SLIT2: variants seen among roughly 807,000 people sequenced by gnomAD.
SLIT2 encodes slit guidance ligand 2, also known as slit homolog 2 protein.
SLIT2 carries 41 observed loss-of-function variants against 185.7 expected under a neutral mutation model. The ratio of observed to expected loss-of-function variants is 0.22; its 90% confidence interval spans 0.17 to 0.29. The LOEUF is 0.29. Ranked by LOEUF, SLIT2 falls within the 10% of genes least tolerant of loss-of-function variation. SLIT2 has a pLI of 1.00. For missense variants in SLIT2, 1,571 were observed against 1,909.0 expected, an observed-to-expected ratio of 0.82 and a Z score of 3.30; for synonymous variants, 693 against 680.2, an observed-to-expected ratio of 1.02 and a Z score of -0.29.
chr4:20,520,003 C>T (rs917142929), intron 12 of SLIT2, among the ~76,000 whole-genome samples: 26 of 133,624 alleles, frequency 1.9e-4, no homozygotes, highest in Admixed American at 5.5e-4. Flanking sequence ...CACTGCACTC[C>T]AGCCCGGGCG....
At chr4:20,302,991 ATTAAATCTTATCCCATTG>A (rs1717196544) in intron 4 of SLIT2, among the ~76,000 whole-genome samples, 3 of 90,110 alleles carry the variant, frequency 3.3e-5, no homozygotes, top group Non-Finnish European at 7.4e-5. Flanking sequence ...CATTATCTAC[ATTAAATCTTATCCCATTG>A]TCTACATTAC....
At position 20,403,301 on chromosome 4, in the gene SLIT2, G is replaced by A. The variant is rs35435155; in HGVS notation, c.396-64451G>A. On this transcript the variant is annotated intron_variant, in intron 4 of 36. Coordinates refer to ENST00000504154, the MANE Select transcript of SLIT2 (RefSeq NM_004787.4). The stretch of plus-strand genomic sequence containing the variant: ...TTGCCTTACAATGAATCATTGCTCA[G>A]TTATCATATATTGAAACATACTATT... Among the ~76,000 whole-genome samples, 1,027 of 152,028 alleles carry A rather than the reference G, an allele frequency of 6.8e-3. 7 individuals are homozygous for A. The highest frequency in any genetic ancestry group is 0.011 in the Non-Finnish European group (764 of 67,918).
At chr4:20,606,113 T>C (rs1180287969) in intron 33 of SLIT2, among the ~76,000 whole-genome samples, 2 of 152,176 alleles carry the variant, frequency 1.3e-5, no homozygotes, top group Non-Finnish European at 2.9e-5. Context: ...GTTTATCTCA[T>C]GCTAGAAAAG....
chr4:20,268,825 T>C lies in SLIT2; in HGVS notation c.339T>C (p.Asn113=). ...KELERLRLNR[N]HLQLFPELLF... ...TTCTCAAAAGGCGTTTAAACAGAAA[T>C]CACCTTCAGCTGTTTCCTGAGTTGC... Residue 113 remains asparagine, a synonymous_variant, in exon 4 of 37, where the codon AAT becomes AAC. Coordinates refer to ENST00000504154, the MANE Select transcript of SLIT2 (RefSeq NM_004787.4). 6.2e-7 allele frequency: 1 copy of C among 1,610,868 alleles called. No individual in the cohort carries two copies. The highest frequency in any genetic ancestry group is 8.5e-7 in the Non-Finnish European group (1 of 1,177,478).
At chr4:20,576,788 C>T (rs534918542) in intron 29 of SLIT2, among the ~76,000 whole-genome samples, 2 of 152,052 alleles carry the variant, frequency 1.3e-5, no homozygotes, top group African/African-American at 4.8e-5. Context: ...GCCCATTGAG[C>T]CCAGAACAAC....
intron 8 of SLIT2, chr4:20,489,928 A>T (rs1388056183): frequency 2.0e-5 from 3 of 152,128 alleles, no homozygotes; most frequent in Non-Finnish European, 4.4e-5. Context: ...CTCTATTAAA[A>T]ATACAAAAAA....
chr4:20,501,905 A>G (rs1273654405), intron 9 of SLIT2, among the ~76,000 whole-genome samples: 1 of 152,214 alleles, frequency 6.6e-6, no homozygotes, highest in Non-Finnish European at 1.5e-5. Flanking sequence ...TCATATATCC[A>G]CTATGTGCAG....
At chr4:20,312,883 T>A (rs1490199669) in intron 4 of SLIT2, among the ~76,000 whole-genome samples, 4 of 152,082 alleles carry the variant, frequency 2.6e-5, no homozygotes, top group Admixed American at 1.3e-4. Flanking sequence ...ATTTTCTTGC[T>A]CTTATTATTT....
chr4:20,374,788 A>G (rs1277002177), intron 4 of SLIT2, among the ~76,000 whole-genome samples: 2 of 152,072 alleles, frequency 1.3e-5, no homozygotes, highest in African/African-American at 4.8e-5. Context: ...TGTTATAATA[A>G]TACTCTGAAG....
chr4:20,332,149 T>G (rs1720113205), intron 4 of SLIT2, among the ~76,000 whole-genome samples: 1 of 152,150 alleles, frequency 6.6e-6, no homozygotes, highest in Admixed American at 6.5e-5. Context: ...CCTGGAAGTG[T>G]TACTTATTTC....
intron 4 of SLIT2, among the ~76,000 whole-genome samples, chr4:20,412,344 A>G (rs1727324434): frequency 6.6e-6 from 1 of 152,098 alleles, no homozygotes; most frequent in African/African-American, 2.4e-5. Context: ...TATATGATTG[A>G]TTTATTCTCT....
intron 4 of SLIT2, among the ~76,000 whole-genome samples, chr4:20,285,787 A>G (rs1715208353): frequency 6.6e-6 from 1 of 152,170 alleles, no homozygotes. Flanking sequence ...GGCTCAAGCA[A>G]TCTACCTGCT....
intron 4 of SLIT2, among the ~76,000 whole-genome samples, chr4:20,337,675 A>G (rs978682861): frequency 6.6e-6 from 1 of 152,198 alleles, no homozygotes; most frequent in Non-Finnish European, 1.5e-5. Context: ...CTAAAAGGCA[A>G]TACTGACACT....
chr4:20,454,706 C>G (rs551579418), intron 4 of SLIT2, among the ~76,000 whole-genome samples: 98 of 152,282 alleles, frequency 6.4e-4, no homozygotes, highest in Non-Finnish European at 1.3e-3. Context: ...TAGACACTTT[C>G]ACATAAAGTG....
chr4:20,469,931 A>G (rs117640594), intron 5 of SLIT2, among the ~76,000 whole-genome samples: 6 of 150,868 alleles, frequency 4.0e-5, no homozygotes, highest in Non-Finnish European at 4.4e-5. Flanking sequence ...AATTTTTTGT[A>G]TTTAGTAGAG....
chr4:20,508,289 C>T (rs1417710721), intron 9 of SLIT2, among the ~76,000 whole-genome samples: 3 of 151,874 alleles, frequency 2.0e-5, no homozygotes, highest in Non-Finnish European at 4.4e-5. Context: ...AAAGGCACAA[C>T]TTATTATACC....
chr4:20,300,449 T>C (rs1030648733), intron 4 of SLIT2, among the ~76,000 whole-genome samples: 1 of 152,166 alleles, frequency 6.6e-6, no homozygotes, highest in Admixed American at 6.6e-5. Flanking sequence ...TTCATTTGTT[T>C]TCATAGTTTA....
rs1276292964 is a variant in SLIT2, at chr4:20,255,000, C to A, written c.179+1006C>A. 1 of 456,336 alleles carries A rather than the reference C, an allele frequency of 2.2e-6. No individual in the cohort carries two copies. Among genetic ancestry groups the A allele is most frequent in the Non-Finnish European group, 4.4e-6 (1 of 226,978 alleles). 28.3% of individuals were successfully genotyped at this position (456,336 alleles called of 1,614,324 possible). A position where few individuals can be genotyped will look rare whatever the true frequency, so the allele number is the denominator to read the frequency against. ...CTCCTGATGAGGCGCTTCCAGAGTT[C>A]AGCGAAGTGGAGCATGGAGGCCGTT... On this transcript the variant is annotated intron_variant, in intron 1 of 36. Coordinates refer to ENST00000504154, the MANE Select transcript of SLIT2 (RefSeq NM_004787.4). The surrounding 1 kb of genome is among the most constrained non-coding windows in gnomAD (Gnocchi z 5.1).
chr4:20,338,058 A>T (rs1720653747), intron 4 of SLIT2, among the ~76,000 whole-genome samples: 1 of 152,198 alleles, frequency 6.6e-6, no homozygotes, highest in South Asian at 2.1e-4. Context: ...ATTTTTGATA[A>T]ATTATTAGGT....
Sources: gnomAD v4.1 joint callset for allele counts (sites outside exome capture counted in the v4.1 genomes callset) on GRCh38, gnomAD v4.1.1 for gene constraint, Gnocchi (gnomAD v3.1) non-coding constraint, MANE v1.5 for transcripts, NCBI Gene and HGNC (gene_info 2026-07-23, HGNC 2026-07-21) for gene names.